The following SYT13 variants were observed in gnomAD, a reference collection of about 807,000 sequenced individuals.
The protein encoded by SYT13 is synaptotagmin 13, also known as synaptotagmin-13.
In SYT13, 21 loss-of-function variants were observed where a neutral mutation model predicts 38.6. The observed-to-expected ratio is 0.54, with a 90% confidence interval of 0.39 to 0.78. SYT13 has a LOEUF of 0.78. Among genes scored for constraint, SYT13 ranks in the 30% least tolerant of loss-of-function variants. The probability of loss-of-function intolerance (pLI) is 0.00; values close to 1 mark genes in which losing one functional copy is unlikely to be tolerated. For synonymous variants in SYT13, 241 were observed against 237.6 expected, an observed-to-expected ratio of 1.01 and a Z score of -0.13; for missense variants, 495 against 548.7, an observed-to-expected ratio of 0.90 and a Z score of 0.98.
In SYT13 at chr11:45,264,164, C is replaced by T. The variant is rs569757845; in HGVS notation, c.184-8273G>A. Among the ~76,000 whole-genome samples the T allele has an allele frequency of 7.2e-5, 11 of 152,296 alleles. No individual in the cohort carries two copies. In the South Asian group the frequency reaches 2.3e-3, roughly 32 times the overall value. On this transcript the variant is annotated intron_variant, in intron 1 of 5. Transcript: ENST00000020926. Reference sequence around the variant, plus strand: ...AACTAAGCTAAACTGGATCCTCTCTCACAGATGGTTGGGGAAGCTCTGGTC... The same window carrying T: ...AACTAAGCTAAACTGGATCCTCTCTTACAGATGGTTGGGGAAGCTCTGGTC...
intron 5 of SYT13, 148 bp downstream of exon 5, chr11:45,246,235 G>A: frequency 8.5e-7 from 1 of 1,178,736 alleles, no homozygotes; most frequent in East Asian, 2.6e-5. Context: ...AACTTAGGGT[G>A]AAGAACACCG....
chr11:45,250,464 T>C (rs932736043), intron 4 of SYT13, among the ~76,000 whole-genome samples: 1 of 152,222 alleles, frequency 6.6e-6, no homozygotes, highest in African/African-American at 2.4e-5. Context: ...AGCTGCTAGG[T>C]GCCTGAGACT....
chr11:45,244,407 G>A, intron 5 of SYT13, 51 bp from the exon 6 acceptor site: 2 of 1,569,518 alleles, frequency 1.3e-6, no homozygotes, highest in Non-Finnish European at 1.7e-6. Flanking sequence ...ACAAGAGTGA[G>A]TTTCTGGGAT....
intron 1 of SYT13, 44 bp downstream of exon 1, chr11:45,285,981 A>G (rs1231237150): frequency 6.3e-7 from 1 of 1,579,360 alleles, no homozygotes; most frequent in Non-Finnish European, 8.5e-7. Context: ...CTGCCCGGCA[A>G]CCCCGCCTTG....
intron 1 of SYT13, among the ~76,000 whole-genome samples, chr11:45,281,666 C>CAA (rs747673327): frequency 0.019 from 2,141 of 112,060 alleles, 52 homozygotes; most frequent in African/African-American, 0.07. Context: ...GACTCTGCCT[C>CAA]AAAAAAAAAA....
intron 1 of SYT13, among the ~76,000 whole-genome samples, chr11:45,256,611 C>A (rs1854750449): frequency 6.6e-6 from 1 of 152,188 alleles, no homozygotes; most frequent in African/African-American, 2.4e-5. Flanking sequence ...TGCTTCACAG[C>A]ATCAATCTCA....
At position 45,254,426 on chromosome 11, in the gene SYT13, T is replaced by C. The variant is rs753421692; in HGVS notation, c.410-22A>G. On this transcript the variant is annotated intron_variant, in intron 2 of 5. Coordinates refer to ENST00000020926, the MANE Select transcript of SYT13 (RefSeq NM_020826.3). ...ACACCTGTTAAGAAAGTCGAAATCG[T>C]CACTGCCACCCACACTGGGGTTCTG... 33 of 1,607,752 alleles carry C rather than the reference T, an allele frequency of 2.1e-5. 1 individual carries two copies. The South Asian group carries it at 3.4e-4, about 16-fold the overall frequency.
chr11:45,256,732 G>A (rs1303016039), intron 1 of SYT13, among the ~76,000 whole-genome samples: 2 of 152,152 alleles, frequency 1.3e-5, no homozygotes, highest in African/African-American at 4.8e-5. Flanking sequence ...GCCTAGATTA[G>A]CCTGGTCCAA....
intron 3 of SYT13, chr11:45,254,017 C>G (rs1854711532): frequency 6.0e-6 from 2 of 334,806 alleles, no homozygotes; most frequent in Non-Finnish European, 1.1e-5. Context: ...TATGGAGCCA[C>G]AGCTGGAAGG....
chr11:45,263,536 G>C (rs375185852), intron 1 of SYT13, among the ~76,000 whole-genome samples: 7 of 152,256 alleles, frequency 4.6e-5, no homozygotes, highest in African/African-American at 1.7e-4. Context: ...TTTAAAAAAG[G>C]GGAGGGCAGA....
At chr11:45,268,684 G>A (rs1019264548) in intron 1 of SYT13, among the ~76,000 whole-genome samples, 1 of 152,156 alleles carries the variant, frequency 6.6e-6, no homozygotes, top group African/African-American at 2.4e-5. Context: ...GCACATGACT[G>A]TGGAGCCCAC....
At chr11:45,282,698 T>C (rs1387661241) in intron 1 of SYT13, among the ~76,000 whole-genome samples, 1 of 152,236 alleles carries the variant, frequency 6.6e-6, no homozygotes, top group African/African-American at 2.4e-5. Flanking sequence ...GTATGGATGA[T>C]ACGCTATGGT....
intron 5 of SYT13, among the ~76,000 whole-genome samples, chr11:45,244,915 T>A (rs1854596782): frequency 1.3e-5 from 2 of 152,112 alleles, no homozygotes; most frequent in Non-Finnish European, 2.9e-5. Context: ...TCAAACCAGG[T>A]CCATGACAAC....
rs113096223 is a variant in SYT13, at chr11:45,242,180, A to C, written c.*1872T>G. The C allele has an allele frequency of 2.0e-5, 3 of 152,292 alleles. No homozygotes were observed. Among genetic ancestry groups the C allele is most frequent in the African/African-American group, 4.8e-5 (2 of 41,562 alleles). The allele number at this position is 152,292 out of a possible 1,614,324, so 9.4% of individuals were successfully genotyped here. A position where few individuals can be genotyped will look rare whatever the true frequency, so the allele number is the denominator to read the frequency against. ...GTGACATCTGAAGGCCCAGAGTTTT[A>C]ATATTAATAGAGAGGGGTCCAAAGG... is the stretch of plus-strand genomic sequence containing the variant. On this transcript the variant is annotated 3_prime_UTR_variant, in exon 6 of 6. Coordinates refer to ENST00000020926, the MANE Select transcript of SYT13 (RefSeq NM_020826.3).
intron 1 of SYT13, among the ~76,000 whole-genome samples, chr11:45,256,664 ACT>A (rs1854751132): frequency 6.6e-6 from 1 of 151,694 alleles, no homozygotes; most frequent in African/African-American, 2.4e-5. Flanking sequence ...TTGTATTAAG[ACT>A]CTCCCACTAG....
At chr11:45,249,140 CAT>C (rs1401407662) in intron 4 of SYT13, among the ~76,000 whole-genome samples, 4 of 152,296 alleles carry the variant, frequency 2.6e-5, no homozygotes, top group Admixed American at 2.6e-4. Context: ...AGCCAACAGA[CAT>C]ATGAAAAAAT....
In SYT13 at chr11:45,241,504, C is replaced by A. The variant is rs1390952145; in HGVS notation, c.*2548G>T. 1.9e-5 allele frequency: 1 copy of A among 51,918 alleles called. No homozygotes were observed. Among genetic ancestry groups the A allele is most frequent in the East Asian group, 3.0e-4 (1 of 3,310 alleles). 3.2% of individuals were successfully genotyped at this position (51,918 alleles called of 1,614,324 possible). A position where few individuals can be genotyped will look rare whatever the true frequency, so the allele number is the denominator to read the frequency against. ...GAAGACTAAAACTTTGAGATCCCTC[C>A]CCCGCCCCGCCCCCCCAAAAAAAAG... On this transcript the variant is annotated 3_prime_UTR_variant, in exon 6 of 6. Transcript: ENST00000020926.
chr11:45,252,596 C>T lies in SYT13; in HGVS notation c.671G>A (p.Gly224Asp). Reference protein sequence around the residue: ...KRQLHTTWEEGLVLPLAEEEL... With the variant: ...KRQLHTTWEEDLVLPLAEEEL... Reference sequence around the variant, plus strand: ...CTCCTCCGCCAGGGGGAGCACCAGGCCCTCCTCCCAGGTGGTGTGCAGCTG... The same window carrying T: ...CTCCTCCGCCAGGGGGAGCACCAGGTCCTCCTCCCAGGTGGTGTGCAGCTG... The change falls in exon 4 of 6, where the codon GGC becomes GAC. Residue 224 changes from glycine (G) to aspartate (D), a missense_variant. Transcript: ENST00000020926. The surrounding 1 kb of genome is among the most constrained non-coding windows in gnomAD (Gnocchi z 4.3). 2 of 1,614,156 alleles carry T rather than the reference C, an allele frequency of 1.2e-6. No individual in the cohort carries two copies. The highest frequency in any genetic ancestry group is 1.7e-6 in the Non-Finnish European group (2 of 1,180,018).
intron 1 of SYT13, among the ~76,000 whole-genome samples, chr11:45,272,056 G>A (rs1047985174): frequency 4.6e-5 from 7 of 152,186 alleles, no homozygotes; most frequent in Non-Finnish European, 8.8e-5. Flanking sequence ...GGACGTGGAT[G>A]AAGCTGGGAA....
Sources: allele counts gnomAD v4.1 joint callset (sites outside exome capture counted in the v4.1 genomes callset), GRCh38; gene constraint gnomAD v4.1.1; non-coding constraint Gnocchi (gnomAD v3.1); transcripts MANE v1.5; gene names NCBI Gene and HGNC (gene_info 2026-07-23, HGNC 2026-07-21).